IQGAP2: variants seen among roughly 807,000 people sequenced by gnomAD.
The protein encoded by IQGAP2 is ras GTPase-activating-like protein IQGAP2.
A neutral mutation model predicts 201.3 loss-of-function variants in IQGAP2; 173 were observed. That is an observed-to-expected ratio of 0.86 (90% CI 0.76 to 0.98). The LOEUF is 0.98. Among genes scored for constraint, IQGAP2 ranks in the 50% least tolerant of loss-of-function variants. The pLI is 0.00. For synonymous variants in IQGAP2, 675 were observed against 673.9 expected (o/e 1.00, Z -0.03); for missense variants, 1,687 against 1,864.8 (o/e 0.90, Z 1.76).
chr5:76,548,591 C>T (rs1383405270), intron 2 of IQGAP2, among the ~76,000 whole-genome samples: 1 of 152,208 alleles, frequency 6.6e-6, no homozygotes, highest in African/African-American at 2.4e-5. Context: ...AATCACAGCT[C>T]AGCCGCTTAC....
intron 10 of IQGAP2, among the ~76,000 whole-genome samples, chr5:76,598,058 A>G (rs1720924349): frequency 2.0e-5 from 3 of 152,188 alleles, no homozygotes; most frequent in Admixed American, 2.0e-4. Context: ...GCATTCAACA[A>G]TAATTTCATA....
At chr5:76,421,765 T>C (rs2150081588) in intron 1 of IQGAP2, among the ~76,000 whole-genome samples, 1 of 152,350 alleles carries the variant, frequency 6.6e-6, no homozygotes, top group African/African-American at 2.4e-5. Context: ...AAATAGTGCA[T>C]AGACAACAAG....
intron 2 of IQGAP2, among the ~76,000 whole-genome samples, chr5:76,554,485 T>C (rs1011099690): frequency 3.9e-5 from 6 of 151,990 alleles, no homozygotes; most frequent in South Asian, 2.1e-4. Context: ...GACAAATAAT[T>C]CAACTAAAAC....
intron 1 of IQGAP2, among the ~76,000 whole-genome samples, chr5:76,450,478 A>G (rs1265997952): frequency 1.3e-5 from 2 of 152,258 alleles, no homozygotes; most frequent in African/African-American, 4.8e-5. Context: ...ACCTTGAGTA[A>G]AGCACTTAAC....
chr5:76,633,344 G>T (rs1327103903), intron 15 of IQGAP2, among the ~76,000 whole-genome samples: 1 of 151,704 alleles, frequency 6.6e-6, no homozygotes, highest in Non-Finnish European at 1.5e-5. Flanking sequence ...CATGTACATG[G>T]GTATCTTTCC....
chr5:76,425,304 C>T (rs964681032), intron 1 of IQGAP2, among the ~76,000 whole-genome samples: 19 of 152,158 alleles, frequency 1.2e-4, no homozygotes, highest in African/African-American at 4.6e-4. Context: ...AATTTTATTG[C>T]TTGGTTTCCT....
chr5:76,614,346 C>T (rs1748703093), intron 13 of IQGAP2, among the ~76,000 whole-genome samples: 1 of 152,106 alleles, frequency 6.6e-6, no homozygotes, highest in Non-Finnish European at 1.5e-5. Context: ...GATCTGGGTT[C>T]TAGTTCAGGC....
At position 76,606,207 on chromosome 5, in the gene IQGAP2, C is replaced by T. The variant is rs1270025005; in HGVS notation, c.1261C>T (p.Leu421=). ...RYANTLLSVK[L]EVLSQGQDNL... ...TGCAAACACACTACTCTCTGTTAAA[C>T]TAGAAGTTTTATCCCAAGGGCAAGA... Residue 421 remains leucine, a synonymous_variant, in exon 12 of 36, where the codon CTA becomes TTA. Transcript: ENST00000274364. The T allele has an allele frequency of 1.2e-6, 2 of 1,605,352 alleles. No individual in the cohort carries two copies. Among genetic ancestry groups the T allele is most frequent in the Non-Finnish European group, 1.7e-6 (2 of 1,174,764 alleles).
intron 2 of IQGAP2, among the ~76,000 whole-genome samples, chr5:76,505,203 G>C (rs767611081): frequency 2.6e-5 from 4 of 152,238 alleles, no homozygotes; most frequent in Non-Finnish European, 5.9e-5. Flanking sequence ...CACCAGGTGA[G>C]CATTTGACAG....
rs183839784 is a variant in IQGAP2, at chr5:76,429,751, A to G, written c.46+26160A>G. On this transcript the variant is annotated intron_variant, in intron 1 of 35. Coordinates refer to ENST00000274364, the MANE Select transcript of IQGAP2 (RefSeq NM_006633.5). ...TTTGAAATTAGAAGAACATCAATCT[A>G]TGAAAGTCTTTGTGGGAGAACTGAA... Among the ~76,000 whole-genome samples, 3 of 151,516 alleles carry G rather than the reference A, an allele frequency of 2.0e-5. No individual in the cohort carries two copies. In the South Asian group the frequency reaches 6.2e-4, roughly 32 times the overall value.
chr5:76,671,712 T>G, intron 23 of IQGAP2, 47 bp from the exon 24 acceptor site: 3 of 1,242,792 alleles, frequency 2.4e-6, no homozygotes, highest in Non-Finnish European at 3.4e-6. Context: ...AAAAAAAATC[T>G]GTATCCATGG....
intron 12 of IQGAP2, chr5:76,609,176 C>T: frequency 6.5e-7 from 1 of 1,535,914 alleles, no homozygotes; most frequent in Non-Finnish European, 8.7e-7. Context: ...GCACTCACTT[C>T]CAGGTGATCG....
At chr5:76,646,751 T>G (rs1335391699) in intron 17 of IQGAP2, among the ~76,000 whole-genome samples, 1 of 152,214 alleles carries the variant, frequency 6.6e-6, no homozygotes, top group Non-Finnish European at 1.5e-5. Context: ...TTTATAATAA[T>G]AAACTTTACA....
intron 32 of IQGAP2, among the ~76,000 whole-genome samples, chr5:76,697,329 A>G (rs1377687026): frequency 6.6e-6 from 1 of 152,230 alleles, no homozygotes; most frequent in Non-Finnish European, 1.5e-5. Flanking sequence ...TTAAAGTACT[A>G]TTCAAAGAGG....
chr5:76,637,955 A>C (rs942097920), intron 16 of IQGAP2, among the ~76,000 whole-genome samples: 2 of 152,220 alleles, frequency 1.3e-5, no homozygotes, highest in Non-Finnish European at 2.9e-5. Context: ...CCCATATTTG[A>C]AAGCTTTCTT....
chr5:76,441,590 T>C (rs893240426), intron 1 of IQGAP2: 1 of 860,446 alleles, frequency 1.2e-6, no homozygotes, highest in African/African-American at 1.8e-5. Flanking sequence ...CTCAGCGGTA[T>C]GTTTGGGCTG....
chr5:76,419,138 C>CTTTA (rs894766290), intron 1 of IQGAP2, among the ~76,000 whole-genome samples: 3 of 151,920 alleles, frequency 2.0e-5, no homozygotes, highest in Non-Finnish European at 2.9e-5. Flanking sequence ...TTATTTTAAA[C>CTTTA]TTTATTTATT....
At chr5:76,623,506 C>G (rs1208490706) in intron 13 of IQGAP2, 6 of 443,886 alleles carry the variant, frequency 1.4e-5, no homozygotes, top group Non-Finnish European at 2.4e-5. Context: ...CCACCCCCAA[C>G]AATCTATTCT....
chr5:76,693,403 A>G lies in IQGAP2; in HGVS notation c.3954A>G (p.Thr1318=), dbSNP rs1242323596. ...IDVIRNQPGN[T]LTEILETPAT... ...TGATCCGGAACCAGCCAGGGAACACATTGACAGAAATCTTAGAGACACCAG... is the reference window on the plus strand; with the variant it reads ...TGATCCGGAACCAGCCAGGGAACACGTTGACAGAAATCTTAGAGACACCAG... Residue 1318 remains threonine, a synonymous_variant, in exon 31 of 36, where the codon ACA becomes ACG. Transcript: ENST00000274364. 2 of 1,613,938 alleles carry G rather than the reference A, an allele frequency of 1.2e-6. No individual in the cohort carries two copies. The highest frequency in any genetic ancestry group is 1.7e-6 in the Non-Finnish European group (2 of 1,179,834).
Sources: allele counts gnomAD v4.1 joint callset (sites outside exome capture counted in the v4.1 genomes callset), GRCh38; gene constraint gnomAD v4.1.1; transcripts MANE v1.5; gene names NCBI Gene and HGNC (gene_info 2026-07-23, HGNC 2026-07-21).